The following DAB1 variants were observed in gnomAD, a reference collection of about 807,000 sequenced individuals.
DAB1 encodes disabled homolog 1.
DAB1 carries 15 observed loss-of-function variants against 64.6 expected under a neutral mutation model. That is an observed-to-expected ratio of 0.23 (90% CI 0.16 to 0.36). The LOEUF is 0.36. Ranked by LOEUF, DAB1 falls within the 10% of genes least tolerant of loss-of-function variation. The pLI, the probability that DAB1 is intolerant of heterozygous loss-of-function variation, is 1.00. For missense variants in DAB1, 596 were observed against 706.7 expected, an observed-to-expected ratio of 0.84 and a Z score of 1.78; for synonymous variants, 235 against 251.9, an observed-to-expected ratio of 0.93 and a Z score of 0.64.
chr1:57,794,011 GCTGGGGTCCTGAGGCTCCT>G (rs1650723597), intron 6 of DAB1, among the ~76,000 whole-genome samples: 1 of 152,150 alleles, frequency 6.6e-6, no homozygotes, highest in Non-Finnish European at 1.5e-5. Context: ...TGGCTGCTAG[GCTGGGGTCCTGAGGCTCCT>G]CATTGATCTT....
At chr1:58,159,549 T>C (rs77042317) in intron 4 of DAB1, among the ~76,000 whole-genome samples, 207 of 152,286 alleles carry the variant, frequency 1.4e-3, no homozygotes, top group African/African-American at 4.8e-3. Context: ...TGCATGCATA[T>C]GTAAAATCTC....
chr1:57,760,975 A>T (rs1303700360), intron 6 of DAB1, among the ~76,000 whole-genome samples: 1 of 152,214 alleles, frequency 6.6e-6, no homozygotes, highest in Non-Finnish European at 1.5e-5. Flanking sequence ...CAAAATTGGC[A>T]AATGACATGA....
intron 1 of DAB1, among the ~76,000 whole-genome samples, chr1:57,306,005 A>G (rs1305187474): frequency 1.3e-5 from 2 of 151,964 alleles, no homozygotes; most frequent in African/African-American, 4.8e-5. Context: ...AAAGAAAACA[A>G]TGACTTTCAT....
intron 4 of DAB1, among the ~76,000 whole-genome samples, chr1:57,079,741 T>G (rs1652314407): frequency 6.6e-6 from 1 of 152,174 alleles, no homozygotes; most frequent in Admixed American, 6.5e-5. Context: ...TTGCATATGC[T>G]GTTCCAGTTG....
chr1:57,906,856 G>C (rs910942758), intron 5 of DAB1, among the ~76,000 whole-genome samples: 1 of 151,952 alleles, frequency 6.6e-6, no homozygotes, highest in Non-Finnish European at 1.5e-5. Flanking sequence ...TTGTGGAATG[G>C]ATAAATGAAT....
chr1:57,628,572 T>C (rs1413233925), intron 7 of DAB1, among the ~76,000 whole-genome samples: 1 of 150,716 alleles, frequency 6.6e-6, no homozygotes, highest in Non-Finnish European at 1.5e-5. Context: ...AAACAGCTCA[T>C]TGTCTGTTTT....
intron 4 of DAB1, among the ~76,000 whole-genome samples, chr1:57,085,414 C>T (rs1250712871): frequency 6.6e-6 from 1 of 152,208 alleles, no homozygotes; most frequent in Admixed American, 6.5e-5. Context: ...AATACCTAGG[C>T]ATTCTGCATC....
At chr1:57,516,998 T>G (rs570649524) in intron 7 of DAB1, among the ~76,000 whole-genome samples, 1 of 152,164 alleles carries the variant, frequency 6.6e-6, no homozygotes, top group Admixed American at 6.6e-5. Flanking sequence ...AGGTTGAGGA[T>G]GTGGAGGAGG....
chr1:57,158,901 A>T (rs1660484985), intron 2 of DAB1, among the ~76,000 whole-genome samples: 1 of 152,226 alleles, frequency 6.6e-6, no homozygotes, highest in South Asian at 2.1e-4. Context: ...GGTACTTCTG[A>T]AAAGTGCCTT....
chr1:57,978,831 G>A (rs1225723262), intron 5 of DAB1, among the ~76,000 whole-genome samples: 6 of 152,162 alleles, frequency 3.9e-5, no homozygotes, highest in Non-Finnish European at 7.3e-5. Flanking sequence ...ATCATCACTG[G>A]TCATTATGGA....
At chr1:57,177,989 T>G (rs1490325038) in intron 2 of DAB1, among the ~76,000 whole-genome samples, 1 of 152,170 alleles carries the variant, frequency 6.6e-6, no homozygotes, top group Non-Finnish European at 1.5e-5. Flanking sequence ...TATAAAAACC[T>G]GAGAATATAG....
At chr1:58,452,905 A>G (rs1484415461) in intron 3 of DAB1, among the ~76,000 whole-genome samples, 2 of 152,158 alleles carry the variant, frequency 1.3e-5, no homozygotes, top group African/African-American at 4.8e-5. Context: ...CAGCAGTCCC[A>G]TTCCTAGGTA....
chr1:57,446,118 A>G (rs1686127337), intron 7 of DAB1, among the ~76,000 whole-genome samples: 1 of 152,204 alleles, frequency 6.6e-6, no homozygotes, highest in Admixed American at 6.5e-5. Context: ...TCGAGTGTGA[A>G]TTTAATAAGC....
chr1:58,190,138 C>T (rs1415963851), intron 4 of DAB1, among the ~76,000 whole-genome samples: 8 of 152,092 alleles, frequency 5.3e-5, no homozygotes, highest in Admixed American at 2.6e-4. Context: ...TTTCCAGGTA[C>T]CTTACAGTCT....
At chr1:57,575,186 C>T (rs1323054986) in intron 7 of DAB1, among the ~76,000 whole-genome samples, 1 of 152,186 alleles carries the variant, frequency 6.6e-6, no homozygotes, top group Non-Finnish European at 1.5e-5. Flanking sequence ...AATTTTTAAC[C>T]TTGCTGGGCT....
At chr1:58,321,360 G>A (rs1435362073) in intron 4 of DAB1, among the ~76,000 whole-genome samples, 1 of 152,216 alleles carries the variant, frequency 6.6e-6, no homozygotes, top group African/African-American at 2.4e-5. Flanking sequence ...AGAAGATGGT[G>A]ATTTCTGCAT....
rs558766322 is a variant in DAB1, at chr1:57,624,449, GT to G, written n.625+25142del. On this transcript the variant is annotated intron_variant and non_coding_transcript_variant, in intron 7 of 20. Coordinates refer to the DAB1 transcript ENST00000485760. ...TTGGGCATACTCAATGAGACAAGGA[GT>G]GTGTTTAGTGCTTAAGAGCTCCGTG... is the stretch of plus-strand genomic sequence containing the variant. Among the ~76,000 whole-genome samples, 51 of 152,312 alleles carry G rather than the reference GT, an allele frequency of 3.3e-4. No individual in the cohort carries two copies. In the East Asian group the frequency reaches 9.3e-3, roughly 28 times the overall value.
intron 5 of DAB1, among the ~76,000 whole-genome samples, chr1:58,066,052 T>C (rs1194268717): frequency 1.3e-5 from 2 of 152,216 alleles, no homozygotes; most frequent in Non-Finnish European, 2.9e-5. Flanking sequence ...CACCTCACAG[T>C]GTCCACCACA....
chr1:58,475,633 T>C (rs1197827520), intron 3 of DAB1, among the ~76,000 whole-genome samples: 1 of 152,194 alleles, frequency 6.6e-6, no homozygotes, highest in Non-Finnish European at 1.5e-5. Flanking sequence ...TGACCTCTCT[T>C]AACTAATAAT....
Sources: allele counts gnomAD v4.1 joint callset (sites outside exome capture counted in the v4.1 genomes callset), GRCh38; gene constraint gnomAD v4.1.1; transcripts MANE v1.5; gene names NCBI Gene and HGNC (gene_info 2026-07-23, HGNC 2026-07-21).